Variants in UBXN2A observed in about 807,000 individuals in gnomAD.
UBXN2A encodes UBX domain protein 2A.
Under a neutral mutation model 28.4 loss-of-function variants are expected in UBXN2A, and 28 were observed. The observed-to-expected ratio is 0.99, with a 90% CI of 0.73 to 1.35. The LOEUF (loss-of-function observed/expected upper bound fraction) is 1.35, where lower values mean the gene tolerates loss of function less well. Among genes scored for constraint, UBXN2A ranks in the 40% most tolerant of loss-of-function variants. The pLI, the probability that UBXN2A is intolerant of heterozygous loss-of-function variation, is 0.00. For synonymous variants in UBXN2A, 97 were observed against 103.6 expected, an observed-to-expected ratio of 0.94 and a Z score of 0.39; for missense variants, 253 against 297.9, an observed-to-expected ratio of 0.85 and a Z score of 1.11.
At chr2:23,928,446 G>A (rs993849013) in intron 1 of UBXN2A, among the ~76,000 whole-genome samples, 5 of 151,952 alleles carry the variant, frequency 3.3e-5, no homozygotes, top group African/African-American at 1.2e-4. Context: ...GTGTCGTGGT[G>A]CATGCCTGTA....
Position 24,004,202 on chromosome 2 carries a change from A to C in UBXN2A, c.*4335A>C, listed in dbSNP as rs1708762446. ...TTGTAAAATTGTTAGTTAAATGTGT[A>C]TAATTATCAAAAGAGGTTGACTTTG... is the stretch of plus-strand genomic sequence containing the variant. On this transcript the variant is annotated 3_prime_UTR_variant, in exon 7 of 7. Coordinates refer to ENST00000309033, the MANE Select transcript of UBXN2A (RefSeq NM_181713.4). The C allele has an allele frequency of 6.8e-6, 1 of 148,086 alleles. No individual in the cohort carries two copies. Among genetic ancestry groups the C allele is most frequent in the Non-Finnish European group, 1.5e-5 (1 of 67,332 alleles). 9.2% of individuals were successfully genotyped at this position (148,086 alleles called of 1,614,324 possible). A position where few individuals can be genotyped will look rare whatever the true frequency, so the allele number is the denominator to read the frequency against.
intron 1 of UBXN2A, among the ~76,000 whole-genome samples, chr2:23,948,254 CTT>C (rs60805838): frequency 1.2e-4 from 16 of 129,144 alleles, no homozygotes; most frequent in Admixed American, 2.4e-4. Context: ...TTTTCTTTTT[CTT>C]TTTTTTTTTT....
chr2:23,998,811 C>G, intron 6 of UBXN2A, among the ~76,000 whole-genome samples: 1 of 152,096 alleles, frequency 6.6e-6, no homozygotes, highest in East Asian at 1.9e-4. Context: ...CTCACTGCAA[C>G]CTTCGTCTCC....
chr2:23,956,362 CT>C (rs974153613), intron 1 of UBXN2A, among the ~76,000 whole-genome samples: 10 of 151,842 alleles, frequency 6.6e-5, no homozygotes, highest in African/African-American at 2.4e-4. Context: ...TTATTTGTTT[CT>C]TTTTTGAGAC....
At chr2:23,974,780 C>A (rs1707586041) in intron 3 of UBXN2A, among the ~76,000 whole-genome samples, 1 of 152,120 alleles carries the variant, frequency 6.6e-6, no homozygotes, top group Non-Finnish European at 1.5e-5. Context: ...GAGTTCAAGA[C>A]CAGCCTGGCT....
chr2:23,930,607 C>G (rs1705338532), intron 1 of UBXN2A, among the ~76,000 whole-genome samples: 1 of 152,160 alleles, frequency 6.6e-6, no homozygotes, highest in Non-Finnish European at 1.5e-5. Flanking sequence ...GCCTATAATC[C>G]TAGCACTTTG....
chr2:24,000,033 T>G lies in UBXN2A; in HGVS notation c.*166T>G. 5 of 640,010 alleles carry G rather than the reference T, an allele frequency of 7.8e-6. No homozygotes were observed. The highest frequency in any genetic ancestry group is 1.3e-5 in the Non-Finnish European group (5 of 382,056). The allele number at this position is 640,010 out of a possible 1,614,324, so 39.6% of individuals were successfully genotyped here. ...TTTAGATAAGTACAAGTTAAGAAAG[T>G]AGCATATGACTGGAAACTATATTCA... On this transcript the variant is annotated 3_prime_UTR_variant, in exon 7 of 7. Transcript: ENST00000309033.
intron 2 of UBXN2A, among the ~76,000 whole-genome samples, chr2:23,960,255 C>CA (rs557508851): frequency 6.3e-4 from 92 of 146,456 alleles, no homozygotes; most frequent in East Asian, 2.2e-3. Context: ...GACTCTGTCT[C>CA]AAAAAAAAAC....
At chr2:23,957,358 A>G (rs770382240) in intron 1 of UBXN2A, among the ~76,000 whole-genome samples, 31 of 152,078 alleles carry the variant, frequency 2.0e-4, no homozygotes, top group Non-Finnish European at 3.8e-4. Flanking sequence ...GCTGGAGTGC[A>G]GTGGTGTGAT....
chr2:23,979,893 A>G (rs146571673), intron 4 of UBXN2A, among the ~76,000 whole-genome samples: 1 of 152,122 alleles, frequency 6.6e-6, no homozygotes, highest in East Asian at 1.9e-4. Context: ...TTTTACCACT[A>G]TGAAAAATAT....
intron 1 of UBXN2A, among the ~76,000 whole-genome samples, chr2:23,942,289 G>C (rs1705800338): frequency 6.6e-6 from 1 of 152,080 alleles, no homozygotes; most frequent in African/African-American, 2.4e-5. Flanking sequence ...GAGAAGAAAG[G>C]CTCAGGCAAA....
At chr2:23,987,215 C>T (rs1278235692) in intron 6 of UBXN2A, among the ~76,000 whole-genome samples, 1 of 149,970 alleles carries the variant, frequency 6.7e-6, no homozygotes, top group East Asian at 1.9e-4. Flanking sequence ...AGATAAATAA[C>T]AAATATAGGG....
chr2:23,971,559 GC>G, intron 3 of UBXN2A, 145 bp downstream of exon 3: 1 of 877,938 alleles, frequency 1.1e-6, no homozygotes, highest in Non-Finnish European at 1.6e-6. Context: ...CTCGATCTTA[GC>G]CCACTGCAAC....
intron 1 of UBXN2A, among the ~76,000 whole-genome samples, chr2:23,943,132 T>G (rs1705855400): frequency 6.6e-6 from 1 of 152,016 alleles, no homozygotes; most frequent in Non-Finnish European, 1.5e-5. Context: ...GTTTTTTGTA[T>G]TTTTGGTAGA....
chr2:23,986,152 C>CA (rs1201470409), intron 6 of UBXN2A, among the ~76,000 whole-genome samples: 3 of 151,242 alleles, frequency 2.0e-5, no homozygotes, highest in Admixed American at 6.6e-5. Flanking sequence ...ACTAAAAATA[C>CA]AAAAAAAATT....
intron 4 of UBXN2A, among the ~76,000 whole-genome samples, chr2:23,979,246 A>T (rs181272401): frequency 2.0e-5 from 3 of 151,920 alleles, no homozygotes; most frequent in Non-Finnish European, 4.4e-5. Context: ...TAGGAGGCTG[A>T]GGCAGGGAGA....
At chr2:23,934,361 G>C (rs544494328) in intron 1 of UBXN2A, among the ~76,000 whole-genome samples, 1 of 152,188 alleles carries the variant, frequency 6.6e-6, no homozygotes, top group East Asian at 1.9e-4. Context: ...AATGTTGCTA[G>C]TAGCCAATGT....
At chr2:23,970,341 G>T (rs1707363082) in intron 2 of UBXN2A, among the ~76,000 whole-genome samples, 1 of 152,106 alleles carries the variant, frequency 6.6e-6, no homozygotes, top group African/African-American at 2.4e-5. Flanking sequence ...CAGACCAGTG[G>T]TTTTTAACCT....
At chr2:23,946,557 G>A (rs1197723491) in intron 1 of UBXN2A, among the ~76,000 whole-genome samples, 1 of 151,754 alleles carries the variant, frequency 6.6e-6, no homozygotes, top group African/African-American at 2.4e-5. Context: ...TCCTGACCTC[G>A]TGATCCACCC....
Sources: allele counts gnomAD v4.1 joint callset (sites outside exome capture counted in the v4.1 genomes callset), GRCh38; gene constraint gnomAD v4.1.1; transcripts MANE v1.5; gene names NCBI Gene and HGNC (gene_info 2026-07-23, HGNC 2026-07-21).